Variants in ANKRD11 observed in about 807,000 individuals in gnomAD.
ANKRD11 encodes ankyrin repeat domain 11.
In ANKRD11, 17 loss-of-function variants were observed where a neutral mutation model predicts 195.7. That is an observed-to-expected ratio of 0.09 (90% CI 0.06 to 0.13). The LOEUF is 0.13. Among genes scored for constraint, ANKRD11 ranks in the 10% least tolerant of loss-of-function variants. The probability of loss-of-function intolerance (pLI) is 1.00; values close to 1 mark genes in which losing one functional copy is unlikely to be tolerated. For synonymous variants in ANKRD11, 1,953 were observed against 1,528.1 expected, an observed-to-expected ratio of 1.28 and a Z score of -6.49; for missense variants, 3,735 against 3,566.1, an observed-to-expected ratio of 1.05 and a Z score of -1.21.
intron 2 of ANKRD11, among the ~76,000 whole-genome samples, chr16:89,406,409 G>A (rs756577593): frequency 2.0e-5 from 3 of 152,220 alleles, no homozygotes; most frequent in Non-Finnish European, 4.4e-5. Flanking sequence ...CGCGCTCTGA[G>A]ACTTGCGGTC....
intron 2 of ANKRD11, among the ~76,000 whole-genome samples, chr16:89,388,292 G>GTTTTTTT (rs1567734637): frequency 6.6e-5 from 4 of 61,062 alleles, no homozygotes; most frequent in Admixed American, 1.7e-4. Context: ...CCATGAGGCT[G>GTTTTTTT]ATTTTTTTTT....
intron 2 of ANKRD11, among the ~76,000 whole-genome samples, chr16:89,410,616 T>C (rs893649767): frequency 6.6e-6 from 1 of 152,230 alleles, no homozygotes; most frequent in Non-Finnish European, 1.5e-5. Flanking sequence ...GCAGTTGCTA[T>C]CCTGCTGACG....
At chr16:89,346,199 G>C (rs2038930459) in intron 2 of ANKRD11, among the ~76,000 whole-genome samples, 1 of 138,178 alleles carries the variant, frequency 7.2e-6, no homozygotes, top group Non-Finnish European at 1.5e-5. Context: ...AATGAGCCAA[G>C]ATCACGCCAC....
At chr16:89,401,684 G>T (rs752530985) in intron 2 of ANKRD11, among the ~76,000 whole-genome samples, 19 of 152,066 alleles carry the variant, frequency 1.2e-4, no homozygotes, top group Non-Finnish European at 1.9e-4. Flanking sequence ...TGGGAAACAT[G>T]GTCTTTGCAG....
intron 2 of ANKRD11, among the ~76,000 whole-genome samples, chr16:89,346,992 T>C (rs1220488592): frequency 3.9e-5 from 6 of 152,224 alleles, no homozygotes; most frequent in Non-Finnish European, 8.8e-5. Flanking sequence ...GCGAACTGTC[T>C]GCGAAGCAAA....
intron 2 of ANKRD11, among the ~76,000 whole-genome samples, chr16:89,329,310 C>T (rs575943733): frequency 6.6e-6 from 1 of 152,254 alleles, no homozygotes; most frequent in South Asian, 2.1e-4. Flanking sequence ...GTCATGTTCC[C>T]GGCCACTGGG....
At chr16:89,446,755 T>G (rs570331299) in intron 1 of ANKRD11, among the ~76,000 whole-genome samples, 1 of 152,270 alleles carries the variant, frequency 6.6e-6, no homozygotes, top group South Asian at 2.1e-4. Flanking sequence ...GCAAGCAGCT[T>G]CCTGTCCAGT....
At chr16:89,387,391 G>T (rs1203310012) in intron 2 of ANKRD11, among the ~76,000 whole-genome samples, 1 of 152,026 alleles carries the variant, frequency 6.6e-6, no homozygotes, top group Non-Finnish European at 1.5e-5. Context: ...ACTGTGCTTG[G>T]GCCGGGCGCG....
Position 89,283,273 on chromosome 16 carries a change from GCCTTCT to G in ANKRD11, c.3263_3268del (p.Glu1088_Lys1089del). On this transcript the variant is annotated inframe_deletion, in exon 9 of 13. Transcript: ENST00000301030. The surrounding 1 kb of genome is among the most constrained non-coding windows in gnomAD (Gnocchi z 4.3). ...GTCTTCTGAGATGATCCCAGGGAAA[GCCTTCT>G]CCTTCTTCTCTTTCCCTTGGTCGAG... The G allele has an allele frequency of 6.2e-7, 1 of 1,614,038 alleles. No individual in the cohort carries two copies. Among genetic ancestry groups the G allele is most frequent in the Non-Finnish European group, 8.5e-7 (1 of 1,180,026 alleles).
At chr16:89,399,420 G>A (rs2041599740) in intron 2 of ANKRD11, among the ~76,000 whole-genome samples, 2 of 152,158 alleles carry the variant, frequency 1.3e-5, no homozygotes, top group African/African-American at 2.4e-5. Context: ...AGGACTACAC[G>A]CTGTACGGTT....
At chr16:89,389,270 C>T (rs1043108923) in intron 2 of ANKRD11, among the ~76,000 whole-genome samples, 1 of 152,076 alleles carries the variant, frequency 6.6e-6, no homozygotes, top group Admixed American at 6.6e-5. Flanking sequence ...AGCAATCTTC[C>T]CACCTTGGCT....
At chr16:89,414,709 G>A (rs562108364) in intron 2 of ANKRD11, among the ~76,000 whole-genome samples, 12 of 152,166 alleles carry the variant, frequency 7.9e-5, no homozygotes, top group Non-Finnish European at 1.3e-4. Flanking sequence ...AGGCTGTCGG[G>A]GACCCTATGT....
At chr16:89,489,441 C>A (rs2057736150) in intron 1 of ANKRD11, among the ~76,000 whole-genome samples, 5 of 146,094 alleles carry the variant, frequency 3.4e-5, no homozygotes, top group African/African-American at 1.0e-4. Flanking sequence ...ACCCCCCACA[C>A]GGCTGCCCGC....
chr16:89,395,902 C>CT (rs1466763718), intron 2 of ANKRD11: 1 of 152,222 alleles, frequency 6.6e-6, no homozygotes, highest in Non-Finnish European at 1.5e-5. Flanking sequence ...CAGCATTCAT[C>CT]TTGTGCATAT....
At chr16:89,288,343 G>A in intron 7 of ANKRD11, 185 bp downstream of exon 7, 1 of 956,418 alleles carries the variant, frequency 1.0e-6, no homozygotes, top group Non-Finnish European at 1.6e-6. Flanking sequence ...GGCCGTCCAG[G>A]CTGACCCAGA....
intron 1 of ANKRD11, among the ~76,000 whole-genome samples, chr16:89,450,616 C>T (rs1309157756): frequency 1.3e-5 from 2 of 152,274 alleles, no homozygotes; most frequent in Admixed American, 6.5e-5. Context: ...AATTCTCTTT[C>T]GCTATGCATA....
chr16:89,279,806 G>A lies in ANKRD11; in HGVS notation c.6736C>T (p.Pro2246Ser), dbSNP rs1031398540. Residue 2246 changes from proline to serine, a missense_variant, in exon 9 of 13, where the codon CCA becomes TCA. Transcript: ENST00000301030. The surrounding 1 kb of genome is among the most constrained non-coding windows in gnomAD (Gnocchi z 5.6). Reference sequence around the variant, plus strand: ...CCGCTCCCCAGTGGGCGCTGTTCTGGGGGAACGGGCGCGGGCTCCACGCTG... The same window carrying A: ...CCGCTCCCCAGTGGGCGCTGTTCTGAGGGAACGGGCGCGGGCTCCACGCTG... ...DSSVEPAPVP[P>S]EQRPLGSGDQ... 4 of 1,541,368 alleles carry A rather than the reference G, an allele frequency of 2.6e-6. No homozygotes were observed. The highest frequency in any genetic ancestry group is 3.5e-6 in the Non-Finnish European group (4 of 1,147,216).
At chr16:89,323,773 C>T in intron 2 of ANKRD11, 1 of 255,994 alleles carries the variant, frequency 3.9e-6, no homozygotes, top group Non-Finnish European at 7.6e-6. Flanking sequence ...CAGGGCCGCA[C>T]CAGCTCTCTC....
At chr16:89,475,606 A>T (rs759606254) in intron 1 of ANKRD11, among the ~76,000 whole-genome samples, 18 of 152,192 alleles carry the variant, frequency 1.2e-4, no homozygotes, top group Non-Finnish European at 2.6e-4. Flanking sequence ...ATTTTAAGAT[A>T]ATCTTTTATC....
Sources: allele counts gnomAD v4.1 joint callset (sites outside exome capture counted in the v4.1 genomes callset), GRCh38; gene constraint gnomAD v4.1.1; non-coding constraint Gnocchi (gnomAD v3.1); transcripts MANE v1.5; gene names NCBI Gene and HGNC (gene_info 2026-07-23, HGNC 2026-07-21).